VEPH1: variants seen among roughly 807,000 people sequenced by gnomAD.
The protein encoded by VEPH1 is ventricular zone-expressed PH domain-containing protein homolog 1.
In VEPH1, 80 loss-of-function variants were observed where a neutral mutation model predicts 85.2. The observed-to-expected ratio is 0.94, with a 90% CI of 0.78 to 1.13. The LOEUF (loss-of-function observed/expected upper bound fraction) is 1.13. Among genes scored for constraint, VEPH1 ranks in the 50% most tolerant of loss-of-function variants. The pLI, the probability that VEPH1 is intolerant of heterozygous loss-of-function variation, is 0.00. For missense variants in VEPH1, 955 were observed against 980.5 expected (o/e 0.97, Z 0.35); for synonymous variants, 297 against 348.0 (o/e 0.85, Z 1.63).
rs183873056 is a variant in VEPH1 at position 157,462,043 on chromosome 3, T to A, written c.355-1688A>T. Among the ~76,000 whole-genome samples, 812 of 148,136 alleles carry A rather than the reference T, an allele frequency of 5.5e-3. 5 individuals carry two copies. The highest frequency in any genetic ancestry group is 8.3e-3 in the Non-Finnish European group (560 of 67,164). ...TGGTAAACCTTTGGATAAATGTATT[T>A]TATATATATAATATATATTATAAAT... On this transcript the variant is annotated intron_variant, in intron 3 of 13. Coordinates refer to ENST00000362010, the MANE Select transcript of VEPH1 (RefSeq NM_001167912.2).
intron 9 of VEPH1, among the ~76,000 whole-genome samples, chr3:157,333,710 G>A (rs11718332): frequency 0.24 from 36,373 of 152,112 alleles, 4,882 homozygotes; most frequent in South Asian, 0.34. Flanking sequence ...CAGGCAAGCC[G>A]TGATCCCCTG....
chr3:157,421,109 G>A (rs1732299968), intron 5 of VEPH1, among the ~76,000 whole-genome samples: 2 of 152,182 alleles, frequency 1.3e-5, no homozygotes, highest in Non-Finnish European at 2.9e-5. Flanking sequence ...AAAGTAGGAT[G>A]CCTAGAGGGC....
intron 7 of VEPH1, among the ~76,000 whole-genome samples, chr3:157,378,748 C>G (rs13068603): frequency 0.11 from 17,155 of 152,036 alleles, 1,267 homozygotes; most frequent in South Asian, 0.34. Context: ...GTTAAGAGAT[C>G]GTCCCAGGTT....
At chr3:157,352,652 G>A (rs1164542282) in intron 9 of VEPH1, among the ~76,000 whole-genome samples, 2 of 152,194 alleles carry the variant, frequency 1.3e-5, no homozygotes, top group Non-Finnish European at 2.9e-5. Context: ...ACTTTACATT[G>A]GAGATACAAA....
Position 157,413,917 on chromosome 3 carries a change from C to T in VEPH1, c.870G>A (p.Met290Ile), listed in dbSNP as rs202085076. ...GCCCAACAGCTCCATAAATCCTTGC[C>T]ATCTGTCCAGTGAGGTAGGGGAATC... is the stretch of plus-strand genomic sequence containing the variant. ...GERFPYLTGQMARIYGAVGHV... is the reference protein window; with the variant it reads ...GERFPYLTGQIARIYGAVGHV... The change falls in exon 6 of 14, where the codon ATG (methionine) becomes ATA (isoleucine). Residue 290 changes from methionine to isoleucine, a missense_variant. Met to Ile is a conservative substitution (Grantham distance 10). Coordinates refer to ENST00000362010, the MANE Select transcript of VEPH1 (RefSeq NM_001167912.2). 1.2e-5 allele frequency: 20 copies of T among 1,613,492 alleles called. No homozygotes were observed. The highest frequency in any genetic ancestry group is 1.7e-5 in the Non-Finnish European group (20 of 1,179,706).
intron 2 of VEPH1, among the ~76,000 whole-genome samples, chr3:157,478,358 C>A (rs899894077): frequency 1.3e-5 from 2 of 152,128 alleles, no homozygotes; most frequent in Admixed American, 1.3e-4. Context: ...TTTCTCAGAG[C>A]ACTCCCCTAT....
chr3:157,439,751 T>C (rs562129884), intron 4 of VEPH1, among the ~76,000 whole-genome samples: 3 of 152,220 alleles, frequency 2.0e-5, no homozygotes, highest in East Asian at 3.9e-4. Context: ...TGAACACTAC[T>C]TTTTTGTTTT....
chr3:157,400,938 G>C (rs1457906920), intron 6 of VEPH1, among the ~76,000 whole-genome samples: 1 of 152,028 alleles, frequency 6.6e-6, no homozygotes, highest in Non-Finnish European at 1.5e-5. Flanking sequence ...ATTATACTTA[G>C]CCACATTTTC....
At chr3:157,482,432 G>A (rs56247352) in intron 2 of VEPH1, among the ~76,000 whole-genome samples, 4,707 of 152,178 alleles carry the variant, frequency 0.031, 243 homozygotes, top group African/African-American at 0.11. Context: ...CACCATGTTG[G>A]CCAGGCTGGT....
At chr3:157,477,891 T>C (rs1258168384) in intron 2 of VEPH1, among the ~76,000 whole-genome samples, 2 of 152,206 alleles carry the variant, frequency 1.3e-5, no homozygotes, top group African/African-American at 4.8e-5. Flanking sequence ...CTAACTTTCT[T>C]ATTATAAATT....
intron 3 of VEPH1, among the ~76,000 whole-genome samples, chr3:157,463,783 C>A (rs1370424941): frequency 6.6e-6 from 1 of 152,144 alleles, no homozygotes; most frequent in Non-Finnish European, 1.5e-5. Flanking sequence ...TTAGGGTATC[C>A]CTTTCACATT....
At chr3:157,274,827 C>T (rs559835246) in intron 12 of VEPH1, among the ~76,000 whole-genome samples, 47 of 152,220 alleles carry the variant, frequency 3.1e-4, no homozygotes, top group South Asian at 2.7e-3. Flanking sequence ...AACTCATCCA[C>T]GTATTCATTG....
Position 157,381,249 on chromosome 3 carries a change from T to A in VEPH1, c.1034A>T (p.Gln345Leu). Reference sequence around the variant, plus strand: ...GCTCATGCGGAAGATGTCTCTGCTCTGAGGGCCCAAGATTGAGGAGAAGGT... The same window carrying A: ...GCTCATGCGGAAGATGTCTCTGCTCAGAGGGCCCAAGATTGAGGAGAAGGT... The part of the protein sequence containing the change: ...TDTFSSILGP[Q>L]SRDIFRMSNS... Residue 345 changes from glutamine to leucine, a missense_variant, in exon 7 of 14, where the codon CAG becomes CTG. Coordinates refer to ENST00000362010, the MANE Select transcript of VEPH1 (RefSeq NM_001167912.2). The A allele has an allele frequency of 6.2e-7, 1 of 1,614,118 alleles. No individual in the cohort carries two copies. The highest frequency in any genetic ancestry group is 8.5e-7 in the Non-Finnish European group (1 of 1,180,006).
chr3:157,266,862 A>G (rs1713716850), intron 12 of VEPH1, among the ~76,000 whole-genome samples: 1 of 152,166 alleles, frequency 6.6e-6, no homozygotes, highest in Admixed American at 6.5e-5. Context: ...ATATATATTT[A>G]TCTTCAATTT....
chr3:157,449,432 T>C (rs1734789713), intron 4 of VEPH1, among the ~76,000 whole-genome samples: 2 of 152,216 alleles, frequency 1.3e-5, no homozygotes, highest in African/African-American at 4.8e-5. Context: ...GAATAGTCTG[T>C]CCTTCTCTAT....
intron 12 of VEPH1, among the ~76,000 whole-genome samples, chr3:157,283,243 GA>G (rs1716370456): frequency 6.6e-6 from 1 of 152,140 alleles, no homozygotes; most frequent in Non-Finnish European, 1.5e-5. Context: ...TCAGGTTCTG[GA>G]ATTGGCTGTC....
At chr3:157,301,581 T>A (rs1718818358) in intron 11 of VEPH1, among the ~76,000 whole-genome samples, 1 of 152,226 alleles carries the variant, frequency 6.6e-6, no homozygotes, top group Non-Finnish European at 1.5e-5. Context: ...CTCCACCTAC[T>A]TCTGTTCGTA....
chr3:157,495,834 C>T (rs1213102547), intron 1 of VEPH1, among the ~76,000 whole-genome samples: 1 of 152,132 alleles, frequency 6.6e-6, no homozygotes, highest in Non-Finnish European at 1.5e-5. Flanking sequence ...GCCAGATTTT[C>T]CTCAAAAAGA....
chr3:157,438,854 GA>G (rs1211965886), intron 4 of VEPH1, among the ~76,000 whole-genome samples: 2 of 152,190 alleles, frequency 1.3e-5, no homozygotes, highest in Admixed American at 1.3e-4. Context: ...AATCATTTTG[GA>G]TTGTATTAGA....
Sources: gnomAD v4.1 joint callset for allele counts (sites outside exome capture counted in the v4.1 genomes callset) on GRCh38, gnomAD v4.1.1 for gene constraint, MANE v1.5 for transcripts, NCBI Gene and HGNC (gene_info 2026-07-23, HGNC 2026-07-21) for gene names.